Variants in FBLN5 observed in about 807,000 individuals in gnomAD.
FBLN5 encodes the protein fibulin-5.
FBLN5 carries 24 observed loss-of-function variants against 61.6 expected under a neutral mutation model. The observed-to-expected ratio is 0.39, with a 90% CI of 0.28 to 0.55. FBLN5 has a LOEUF of 0.55. Among genes scored for constraint, FBLN5 ranks in the 20% least tolerant of loss-of-function variants. The pLI, the probability that FBLN5 is intolerant of heterozygous loss-of-function variation, is 0.65. For synonymous variants in FBLN5, 213 were observed against 219.8 expected (o/e 0.97, Z 0.27); for missense variants, 470 against 594.1 (o/e 0.79, Z 2.17).
intron 1 of FBLN5, among the ~76,000 whole-genome samples, chr14:91,945,535 G>A (rs2056170366): frequency 6.6e-6 from 1 of 152,180 alleles, no homozygotes; most frequent in South Asian, 2.1e-4. Context: ...CAGTGAACCT[G>A]GGGACATGGC....
At chr14:91,897,820 G>A (rs1890287860) in intron 4 of FBLN5, among the ~76,000 whole-genome samples, 1 of 152,184 alleles carries the variant, frequency 6.6e-6, no homozygotes, top group Non-Finnish European at 1.5e-5. Context: ...GGCCAAGGTG[G>A]GTAAGATTGC....
At chr14:91,926,118 T>C (rs1010836764) in intron 4 of FBLN5, among the ~76,000 whole-genome samples, 6 of 152,210 alleles carry the variant, frequency 3.9e-5, no homozygotes, top group African/African-American at 1.4e-4. Context: ...GCTGGCACTG[T>C]GCCTTTGTCT....
intron 2 of FBLN5, chr14:91,941,905 TAC>T (rs2056111755): frequency 8.9e-6 from 3 of 338,274 alleles, no homozygotes; most frequent in Admixed American, 7.8e-5. Flanking sequence ...TCTTCATGTG[TAC>T]ACCATGAGGC....
At chr14:91,929,856 C>T (rs2055894659) in intron 4 of FBLN5, among the ~76,000 whole-genome samples, 1 of 152,224 alleles carries the variant, frequency 6.6e-6, no homozygotes, top group Non-Finnish European at 1.5e-5. Flanking sequence ...CCACCCCAGA[C>T]CTCTTGAGTC....
intron 6 of FBLN5, among the ~76,000 whole-genome samples, chr14:91,890,539 C>T (rs1889944601): frequency 1.3e-5 from 2 of 152,274 alleles, no homozygotes; most frequent in South Asian, 4.1e-4. Context: ...GTCCCCCATT[C>T]ACTTCCTGAG....
In FBLN5 at chr14:91,937,220, G is replaced by A. The variant is rs755064324; in HGVS notation, c.125-19C>T. 1 of 1,613,946 alleles carries A rather than the reference G, an allele frequency of 6.2e-7. No individual in the cohort carries two copies. Among genetic ancestry groups the A allele is most frequent in the South Asian group, 1.1e-5 (1 of 91,050 alleles). The stretch of plus-strand genomic sequence containing the variant: ...TCAATATCTGAAAGGCACAGAAAGG[G>A]CGAGCATTAGTGGCACCCCAACTGC... On this transcript the variant is annotated intron_variant, in intron 3 of 10. Coordinates refer to ENST00000342058, the MANE Select transcript of FBLN5 (RefSeq NM_006329.4).
chr14:91,928,397 G>A (rs1242763626), intron 4 of FBLN5, among the ~76,000 whole-genome samples: 1 of 152,158 alleles, frequency 6.6e-6, no homozygotes, highest in Non-Finnish European at 1.5e-5. Context: ...TCAGAATAAT[G>A]CCCTAAATTG....
At chr14:91,915,176 T>C (rs1193061366) in intron 4 of FBLN5, among the ~76,000 whole-genome samples, 1 of 132,996 alleles carries the variant, frequency 7.5e-6, no homozygotes, top group Non-Finnish European at 1.7e-5. Context: ...TAAAAAATAA[T>C]AAAAAAAAAA....
intron 4 of FBLN5, among the ~76,000 whole-genome samples, chr14:91,903,994 C>A (rs1393164088): frequency 1.3e-5 from 2 of 152,184 alleles, no homozygotes; most frequent in East Asian, 1.9e-4. Flanking sequence ...CTCCCTAGAA[C>A]CCTCAAGGCA....
intron 10 of FBLN5, chr14:91,874,291 C>T (rs1889070473): frequency 2.0e-5 from 3 of 152,332 alleles, no homozygotes; most frequent in Admixed American, 6.5e-5. Context: ...CAGCTCCCAG[C>T]CTCCTTGCAG....
chr14:91,910,988 A>AT (rs34810596), intron 4 of FBLN5, among the ~76,000 whole-genome samples: 82,227 of 147,694 alleles, frequency 0.56, 23,020 homozygotes, highest in Admixed American at 0.68. Flanking sequence ...TAGCTTTGTA[A>AT]TTTTTTTTTT....
rs1245829471 is a variant in FBLN5 at position 91,922,844 on chromosome 14, A to G, written c.379+14103T>C. Among the ~76,000 whole-genome samples, 3 of 152,142 alleles carry G rather than the reference A, an allele frequency of 2.0e-5. No individual in the cohort carries two copies. In the East Asian group the frequency reaches 5.8e-4, roughly 29 times the overall value. On this transcript the variant is annotated intron_variant, in intron 4 of 10. Coordinates refer to ENST00000342058, the MANE Select transcript of FBLN5 (RefSeq NM_006329.4). ...GGCCAGGCCCTATCATCACAGTGAG[A>G]GCCAATTTCATCCATCCACTGATGC... is the stretch of plus-strand genomic sequence containing the variant.
rs781178350 is a variant in FBLN5, at chr14:91,870,402, G to A, written c.1186-17C>T. The A allele has an allele frequency of 1.9e-6, 3 of 1,613,032 alleles. No homozygotes were observed. Among genetic ancestry groups the A allele is most frequent in the Admixed American group, 1.7e-5 (1 of 60,028 alleles). On this transcript the variant is annotated splice_polypyrimidine_tract_variant and intron_variant, in intron 10 of 10. Transcript: ENST00000342058. ...GCCCGTTTGCTATGGACAGAACCGG[G>A]GAACACCAGTGAGAAAAGGCCTGCA... is the stretch of plus-strand genomic sequence containing the variant.
At position 91,936,906 on chromosome 14, in the gene FBLN5, C is replaced by A. The variant is rs988751279; in HGVS notation, c.379+41G>T. ...ATGCCAGATACAGACGATGTCTTCA[C>A]CAAAGCACAGCGGAGAGGAACAAAA... On this transcript the variant is annotated intron_variant, in intron 4 of 10. Transcript: ENST00000342058. The A allele has an allele frequency of 5.6e-6, 9 of 1,613,754 alleles. No individual in the cohort carries two copies. The East Asian group carries it at 2.0e-4, about 36-fold the overall frequency.
chr14:91,909,019 G>A (rs556590752), intron 4 of FBLN5, among the ~76,000 whole-genome samples: 1 of 152,018 alleles, frequency 6.6e-6, no homozygotes, highest in East Asian at 1.9e-4. Flanking sequence ...CCGGGTTCAC[G>A]CCATTCTCCT....
intron 4 of FBLN5, among the ~76,000 whole-genome samples, chr14:91,911,319 T>G (rs184197030): frequency 2.1e-3 from 318 of 152,302 alleles, no homozygotes; most frequent in Non-Finnish European, 2.9e-3. Flanking sequence ...TTTGGTTGGT[T>G]GTTTACTTGC....
At chr14:91,908,361 A>G (rs1890771788) in intron 4 of FBLN5, among the ~76,000 whole-genome samples, 1 of 152,154 alleles carries the variant, frequency 6.6e-6, no homozygotes, top group Admixed American at 6.5e-5. Context: ...ACCCCTTCTT[A>G]GCAGCATTTG....
chr14:91,912,347 T>C (rs1302362839), intron 4 of FBLN5, among the ~76,000 whole-genome samples: 3 of 151,874 alleles, frequency 2.0e-5, no homozygotes, highest in Non-Finnish European at 4.4e-5. Flanking sequence ...AAATAAAAAA[T>C]AGAAAAATTA....
At chr14:91,911,167 A>G (rs1890913399) in intron 4 of FBLN5, among the ~76,000 whole-genome samples, 1 of 152,120 alleles carries the variant, frequency 6.6e-6, no homozygotes, top group Non-Finnish European at 1.5e-5. Flanking sequence ...TATTTTTAGT[A>G]GAGACGGGCT....
Sources: allele counts gnomAD v4.1 joint callset (sites outside exome capture counted in the v4.1 genomes callset), GRCh38; gene constraint gnomAD v4.1.1; transcripts MANE v1.5; gene names NCBI Gene and HGNC (gene_info 2026-07-23, HGNC 2026-07-21).